The following KCNAB1 variants were observed in gnomAD, a reference collection of about 807,000 sequenced individuals.
KCNAB1 encodes potassium voltage-gated channel subfamily A regulatory beta subunit 1, also known as voltage-gated potassium channel subunit beta-1.
KCNAB1 carries 35 observed loss-of-function variants against 64.6 expected under a neutral mutation model. The observed-to-expected ratio is 0.54, with a 90% CI of 0.41 to 0.72. The LOEUF (loss-of-function observed/expected upper bound fraction) is 0.72, where lower values mean the gene tolerates loss of function less well. Ranked by LOEUF, KCNAB1 falls within the 30% of genes least tolerant of loss-of-function variation. KCNAB1 has a pLI of 0.00. For synonymous variants in KCNAB1, 177 were observed against 183.8 expected, an observed-to-expected ratio of 0.96 and a Z score of 0.30; for missense variants, 401 against 512.9, an observed-to-expected ratio of 0.78 and a Z score of 2.11.
intron 1 of KCNAB1, among the ~76,000 whole-genome samples, chr3:156,380,139 C>T (rs530544487): frequency 2.6e-4 from 40 of 152,268 alleles, no homozygotes; most frequent in African/African-American, 8.7e-4. Flanking sequence ...CTGACCCCTC[C>T]CCATCCATCA....
chr3:156,154,535 C>T (rs2108299183), intron 1 of KCNAB1, among the ~76,000 whole-genome samples: 1 of 152,244 alleles, frequency 6.6e-6, no homozygotes, highest in South Asian at 2.1e-4. Flanking sequence ...AGAGGATTTT[C>T]TGTCTATTCA....
intron 1 of KCNAB1, among the ~76,000 whole-genome samples, chr3:156,310,539 T>TA (rs1721819255): frequency 6.6e-6 from 1 of 151,992 alleles, no homozygotes; most frequent in Non-Finnish European, 1.5e-5. Flanking sequence ...CATGGTGGCT[T>TA]ACGCCTGTAA....
intron 11 of KCNAB1, among the ~76,000 whole-genome samples, chr3:156,517,193 A>G (rs964181213): frequency 1.3e-5 from 2 of 152,232 alleles, no homozygotes; most frequent in Non-Finnish European, 2.9e-5. Flanking sequence ...TGCCTCCATC[A>G]GCACTAAATT....
chr3:156,331,838 G>A (rs1723353963), intron 1 of KCNAB1, among the ~76,000 whole-genome samples: 1 of 152,114 alleles, frequency 6.6e-6, no homozygotes, highest in Admixed American at 6.5e-5. Flanking sequence ...ACCAAGTTTA[G>A]CGGCAGGGGG....
intron 1 of KCNAB1, among the ~76,000 whole-genome samples, chr3:156,407,115 G>T (rs1714298354): frequency 6.6e-6 from 1 of 152,172 alleles, no homozygotes; most frequent in East Asian, 1.9e-4. Flanking sequence ...GATTGAGAGG[G>T]GTTAAGCTGG....
chr3:156,526,174 A>G (rs1607462), intron 12 of KCNAB1, among the ~76,000 whole-genome samples: 55,855 of 152,046 alleles, frequency 0.37, 10,742 homozygotes, highest in African/African-American at 0.43. Context: ...CAGATTTGGA[A>G]CCTAGGAGCA....
At chr3:156,182,326 G>A (rs532468021) in intron 1 of KCNAB1, among the ~76,000 whole-genome samples, 247 of 152,276 alleles carry the variant, frequency 1.6e-3, no homozygotes, top group Non-Finnish European at 2.9e-3. Context: ...TTATGAAGAA[G>A]AGATCATAAA....
chr3:156,247,767 G>A (rs1329299894), intron 1 of KCNAB1, among the ~76,000 whole-genome samples: 1 of 152,110 alleles, frequency 6.6e-6, no homozygotes, highest in Non-Finnish European at 1.5e-5. Context: ...GGTTCGCCAT[G>A]TTGCCCAGGC....
chr3:156,523,495 T>C (rs769407208), intron 11 of KCNAB1, among the ~76,000 whole-genome samples: 65 of 152,022 alleles, frequency 4.3e-4, no homozygotes, highest in Non-Finnish European at 8.5e-4. Flanking sequence ...CATTCTAAAG[T>C]TGGGCTATCC....
chr3:156,306,427 T>C (rs1721497358), intron 1 of KCNAB1, among the ~76,000 whole-genome samples: 1 of 152,246 alleles, frequency 6.6e-6, no homozygotes, highest in Non-Finnish European at 1.5e-5. Context: ...AGTTTGGTTG[T>C]ACTGGGGTAA....
intron 1 of KCNAB1, among the ~76,000 whole-genome samples, chr3:156,398,520 G>A (rs1713643103): frequency 6.6e-6 from 1 of 151,294 alleles, no homozygotes; most frequent in African/African-American, 2.4e-5. Flanking sequence ...TGAACCCCGG[G>A]GGGCGGAGCC....
At chr3:156,216,429 C>T (rs548614034) in intron 1 of KCNAB1, among the ~76,000 whole-genome samples, 7 of 152,280 alleles carry the variant, frequency 4.6e-5, no homozygotes, top group African/African-American at 1.4e-4. Context: ...AATTACATTC[C>T]GTCATTCTTC....
At chr3:156,156,098 A>T in intron 1 of KCNAB1, among the ~76,000 whole-genome samples, 1 of 150,956 alleles carries the variant, frequency 6.6e-6, no homozygotes, top group East Asian at 1.9e-4. Context: ...GTGGCCCAAG[A>T]CTCCCACCAT....
At chr3:156,127,522 A>T (rs983511675) in intron 1 of KCNAB1, among the ~76,000 whole-genome samples, 24 of 152,348 alleles carry the variant, frequency 1.6e-4, no homozygotes, top group African/African-American at 5.8e-4. Flanking sequence ...ATATTAGAGA[A>T]AATGTTGGAC....
At chr3:156,242,243 A>G (rs1362218978) in intron 1 of KCNAB1, among the ~76,000 whole-genome samples, 1 of 151,582 alleles carries the variant, frequency 6.6e-6, no homozygotes, top group African/African-American at 2.4e-5. Flanking sequence ...TATTTGCTAC[A>G]TTTTCTCCAT....
At chr3:156,255,248 T>C (rs1718037117) in intron 1 of KCNAB1, among the ~76,000 whole-genome samples, 1 of 152,210 alleles carries the variant, frequency 6.6e-6, no homozygotes, top group Non-Finnish European at 1.5e-5. Flanking sequence ...ATGAGCCGGA[T>C]CTTATTTTCA....
At chr3:156,431,339 G>A (rs1716197501) in intron 2 of KCNAB1, among the ~76,000 whole-genome samples, 1 of 152,200 alleles carries the variant, frequency 6.6e-6, no homozygotes, top group Admixed American at 6.5e-5. Flanking sequence ...AAACCCAAAT[G>A]AAATTTTTGT....
In KCNAB1 at chr3:156,291,984, G is replaced by A. The variant is rs748154435; in HGVS notation, c.276-129632G>A. ...GAGGACCGACTTCTGAGCAAGCAGA[G>A]CTCCACCGCCCCCAATGTGGTGAAC... On this transcript the variant is annotated intron_variant, in intron 1 of 13. Transcript: ENST00000490337. 8.7e-6 allele frequency: 14 copies of A among 1,614,136 alleles called. No homozygotes were observed. In the East Asian group the frequency reaches 2.9e-4, roughly 33 times the overall value.
intron 12 of KCNAB1, among the ~76,000 whole-genome samples, chr3:156,524,589 C>T (rs1232179207): frequency 6.6e-6 from 1 of 151,622 alleles, no homozygotes; most frequent in African/African-American, 2.4e-5. Context: ...CTACTAAAAA[C>T]ACCAAAAATT....
Sources: gnomAD v4.1 joint callset for allele counts (sites outside exome capture counted in the v4.1 genomes callset) on GRCh38, gnomAD v4.1.1 for gene constraint, MANE v1.5 for transcripts, NCBI Gene and HGNC (gene_info 2026-07-23, HGNC 2026-07-21) for gene names.